The following SENP7 variants were observed in gnomAD, a reference collection of about 807,000 sequenced individuals.
SENP7 encodes SUMO specific peptidase 7.
Under a neutral mutation model 141.2 loss-of-function variants are expected in SENP7, and 64 were observed. The observed-to-expected ratio is 0.45, with a 90% CI of 0.37 to 0.56. The LOEUF (loss-of-function observed/expected upper bound fraction) is 0.56. SENP7 is among the 20% of genes least tolerant of loss of function. The pLI is 0.00. For synonymous variants in SENP7, 382 were observed against 426.4 expected, an observed-to-expected ratio of 0.90 and a Z score of 1.28; for missense variants, 1,025 against 1,212.2, an observed-to-expected ratio of 0.85 and a Z score of 2.29.
chr3:101,507,840 A>C (rs779060610), intron 1 of SENP7, among the ~76,000 whole-genome samples: 10 of 151,706 alleles, frequency 6.6e-5, no homozygotes, highest in Non-Finnish European at 1.2e-4. Context: ...CATGATATCA[A>C]GAGATAGAGA....
At chr3:101,500,168 T>C (rs2108151110) in intron 2 of SENP7, among the ~76,000 whole-genome samples, 1 of 152,360 alleles carries the variant, frequency 6.6e-6, no homozygotes, top group East Asian at 1.9e-4. Flanking sequence ...TCTCTGTGCA[T>C]AACTTAGACT....
chr3:101,380,198 T>C (rs1432892483), intron 6 of SENP7, among the ~76,000 whole-genome samples: 1 of 152,122 alleles, frequency 6.6e-6, no homozygotes, highest in Non-Finnish European at 1.5e-5. Flanking sequence ...TCCTGTTTCA[T>C]AGATACAGAG....
intron 3 of SENP7, among the ~76,000 whole-genome samples, chr3:101,476,254 C>T (rs1422432335): frequency 2.0e-5 from 3 of 151,990 alleles, no homozygotes; most frequent in Admixed American, 6.6e-5. Context: ...TCCCCTTACC[C>T]CCAATCCCCC....
intron 6 of SENP7, among the ~76,000 whole-genome samples, chr3:101,390,547 A>G (rs773432166): frequency 1.3e-5 from 2 of 152,240 alleles, no homozygotes; most frequent in Non-Finnish European, 2.9e-5. Context: ...ATAAGCTAAG[A>G]GGATATAATT....
intron 4 of SENP7, chr3:101,457,271 A>G: frequency 6.3e-7 from 1 of 1,582,958 alleles, no homozygotes; most frequent in Admixed American, 1.7e-5. Flanking sequence ...AAGCCTCATC[A>G]AAATTCTCCA....
At chr3:101,362,914 A>C (rs556923754) in intron 10 of SENP7, among the ~76,000 whole-genome samples, 1 of 152,308 alleles carries the variant, frequency 6.6e-6, no homozygotes, top group African/African-American at 2.4e-5. Flanking sequence ...TTCTTCTGAA[A>C]TTTACACTAC....
At chr3:101,408,799 T>A (rs1286914934) in intron 5 of SENP7, among the ~76,000 whole-genome samples, 1 of 152,068 alleles carries the variant, frequency 6.6e-6, no homozygotes, top group Non-Finnish European at 1.5e-5. Context: ...ATAAAAGCCA[T>A]CTATGACAAA....
chr3:101,332,748 TTAAA>T lies in SENP7; in HGVS notation c.2573+18_2573+21del. On this transcript the variant is annotated intron_variant, in intron 18 of 23. Coordinates refer to ENST00000394095, the MANE Select transcript of SENP7 (RefSeq NM_020654.5). ...TTTCTGAATTCTTTCCAATATGTTC[TTAAA>T]TAATCTGAAATACTTACGACTCATT... 1 of 1,443,026 alleles carries T rather than the reference TTAAA, an allele frequency of 6.9e-7. No homozygotes were observed. The highest frequency in any genetic ancestry group is 9.1e-7 in the Non-Finnish European group (1 of 1,092,928). The allele number at this position is 1,443,026 out of a possible 1,614,324, so 89.4% of individuals were successfully genotyped here.
At chr3:101,379,553 T>A (rs2060436251) in intron 6 of SENP7, among the ~76,000 whole-genome samples, 1 of 152,088 alleles carries the variant, frequency 6.6e-6, no homozygotes, top group Admixed American at 6.6e-5. Flanking sequence ...AAAGAAGACA[T>A]ATAAATGGCC....
At chr3:101,409,065 T>C (rs2061383198) in intron 5 of SENP7, among the ~76,000 whole-genome samples, 1 of 152,168 alleles carries the variant, frequency 6.6e-6, no homozygotes, top group African/African-American at 2.4e-5. Context: ...CTAGAACTGA[T>C]AAAAGAATTC....
At chr3:101,353,097 A>G (rs554150705) in intron 11 of SENP7, among the ~76,000 whole-genome samples, 53 of 152,002 alleles carry the variant, frequency 3.5e-4, no homozygotes, top group Non-Finnish European at 6.5e-4. Context: ...CTGATCAAGA[A>G]TGTTACATAA....
At chr3:101,406,451 G>A (rs981989878) in intron 5 of SENP7, among the ~76,000 whole-genome samples, 3 of 151,660 alleles carry the variant, frequency 2.0e-5, no homozygotes, top group African/African-American at 7.3e-5. Flanking sequence ...GGGGAGGGGG[G>A]AAGGATAGCA....
chr3:101,369,224 A>T (rs1317871106), intron 7 of SENP7, among the ~76,000 whole-genome samples: 1 of 152,240 alleles, frequency 6.6e-6, no homozygotes, highest in Non-Finnish European at 1.5e-5. Context: ...TCTATGTCAT[A>T]CAAGTACCAA....
At chr3:101,462,861 C>CTT (rs34490390) in intron 3 of SENP7, among the ~76,000 whole-genome samples, 9,740 of 151,008 alleles carry the variant, frequency 0.064, 454 homozygotes, top group Non-Finnish European at 0.097. Flanking sequence ...GAGCGAGACT[C>CTT]TGTCTAAAAA....
At chr3:101,471,462 A>G (rs1335977419) in intron 3 of SENP7, among the ~76,000 whole-genome samples, 2 of 152,220 alleles carry the variant, frequency 1.3e-5, no homozygotes, top group East Asian at 3.8e-4. Flanking sequence ...TAGAAAACTG[A>G]AACTGGATCC....
chr3:101,387,726 C>T (rs1344338070), intron 6 of SENP7, among the ~76,000 whole-genome samples: 1 of 152,214 alleles, frequency 6.6e-6, no homozygotes, highest in African/African-American at 2.4e-5. Flanking sequence ...AAGTCATTAC[C>T]CCCATGATTC....
chr3:101,481,566 T>C (rs2064483957), intron 3 of SENP7, among the ~76,000 whole-genome samples: 1 of 152,206 alleles, frequency 6.6e-6, no homozygotes, highest in African/African-American at 2.4e-5. Flanking sequence ...GAGTAAGTTC[T>C]AATATTCAGT....
At chr3:101,353,322 G>C (rs938920436) in intron 11 of SENP7, among the ~76,000 whole-genome samples, 1 of 151,936 alleles carries the variant, frequency 6.6e-6, no homozygotes, top group Admixed American at 6.6e-5. Context: ...TTATAAAGTA[G>C]AAGTAGTGCA....
chr3:101,343,786 G>A lies in SENP7; in HGVS notation c.2006C>T (p.Ser669Leu). The change falls in exon 14 of 24, where the codon TCA becomes TTA. Residue 669 changes from serine to leucine, a missense_variant. This residue lies in a region of SENP7 where 295 missense variants were observed against 459.1 expected (regional missense o/e 0.64). Transcript: ENST00000394095. ...ATAATGAATAAAAGAACTTTCTTTT[G>A]AAGAGAGGTTCTGAAACAAAGGAAA... Reference protein sequence around the residue: ...QAFPLFQNLSSKESSFIHYYC... With the variant: ...QAFPLFQNLSLKESSFIHYYC... 1 of 1,613,838 alleles carries A rather than the reference G, an allele frequency of 6.2e-7. No individual in the cohort carries two copies. The highest frequency in any genetic ancestry group is 8.5e-7 in the Non-Finnish European group (1 of 1,179,818).
Sources: gnomAD v4.1 joint callset for allele counts (sites outside exome capture counted in the v4.1 genomes callset) on GRCh38, gnomAD v4.1.1 for gene constraint, gnomAD v4.1.1 regional missense constraint, MANE v1.5 for transcripts, NCBI Gene and HGNC (gene_info 2026-07-23, HGNC 2026-07-21) for gene names.